Variants in ATOH8 observed in about 807,000 individuals in gnomAD.
ATOH8 encodes transcription factor ATOH8.
ATOH8 carries 9 observed loss-of-function variants against 21.2 expected under a neutral mutation model. The ratio of observed to expected loss-of-function variants is 0.42; its 90% confidence interval spans 0.26 to 0.74. ATOH8 has a LOEUF of 0.74. Among genes scored for constraint, ATOH8 ranks in the 30% least tolerant of loss-of-function variants. The pLI, the probability that ATOH8 is intolerant of heterozygous loss-of-function variation, is 0.24. For synonymous variants in ATOH8, 253 were observed against 224.0 expected, an observed-to-expected ratio of 1.13 and a Z score of -1.16; for missense variants, 524 against 470.9, an observed-to-expected ratio of 1.11 and a Z score of -1.04.
rs754053433 is a variant in ATOH8, at chr2:85,786,931, C to T, written c.*41C>T. On this transcript the variant is annotated 3_prime_UTR_variant, in exon 3 of 3. Transcript: ENST00000306279. Reference sequence around the variant, plus strand: ...ACCAAGGCCACCACTGTGGGCCCTCCTTCCAGTCAGGCCTGAGGACAAGGT... The same window carrying T: ...ACCAAGGCCACCACTGTGGGCCCTCTTTCCAGTCAGGCCTGAGGACAAGGT... 5.6e-6 allele frequency: 9 copies of T among 1,614,076 alleles called. No homozygotes were observed. In the Admixed American group the frequency reaches 1.2e-4, roughly 21 times the overall value.
At chr2:85,772,188 G>A (rs1680201246) in intron 2 of ATOH8, among the ~76,000 whole-genome samples, 1 of 151,462 alleles carries the variant, frequency 6.6e-6, no homozygotes, top group Admixed American at 6.5e-5. Context: ...CGAGGGGTGG[G>A]TTGGGCAGGG....
intron 2 of ATOH8, among the ~76,000 whole-genome samples, chr2:85,784,718 C>T (rs1680579841): frequency 6.6e-6 from 1 of 152,160 alleles, no homozygotes; most frequent in African/African-American, 2.4e-5. Flanking sequence ...TCACAGAACA[C>T]CTTTTGGGCA....
In ATOH8 at chr2:85,789,500, G is replaced by A. The variant is rs907193573; in HGVS notation, c.*2610G>A. The stretch of plus-strand genomic sequence containing the variant: ...CCTGGAAAGTAGCCATGGGACTTGC[G>A]TCTTAAATGGTGAGTAAAAGCTTTC... On this transcript the variant is annotated 3_prime_UTR_variant, in exon 3 of 3. Transcript: ENST00000306279. 7.2e-5 allele frequency among the ~76,000 whole-genome samples: 11 copies of A among 152,206 alleles called. No individual in the cohort carries two copies. Among genetic ancestry groups the A allele is most frequent in the African/African-American group, 1.4e-4 (6 of 41,440 alleles).
Position 85,766,310 on chromosome 2 carries a change from C to CT in ATOH8, c.960+2129dup, listed in dbSNP as rs1680013753. Among the ~76,000 whole-genome samples the CT allele has an allele frequency of 6.6e-6, 1 of 152,004 alleles. No individual in the cohort carries two copies. Among genetic ancestry groups the CT allele is most frequent in the Admixed American group, 6.5e-5 (1 of 15,278 alleles). On this transcript the variant is annotated intron_variant, in intron 2 of 2. Transcript: ENST00000306279. The surrounding 1 kb of genome is among the most constrained non-coding windows in gnomAD (Gnocchi z 4.0). ...CGAGATGGAAGTTCCAGGGTAGGAA[C>CT]TCGACTGTTTCCTCTCCACCCTCCC...
chr2:85,754,767 C>A lies in ATOH8; in HGVS notation c.578C>A (p.Ser193Ter). The change falls in exon 1 of 3, where the codon TCG (serine) becomes TAG (stop). Residue 193 changes from serine to a stop codon, truncating the protein, a stop_gained. Transcript: ENST00000306279. LOFTEE classifies it high-confidence loss of function. ...ACGCGCCCCGGGGAAAGTTCCTACT[C>A]GTCAATTTCACACGTAATTTACAAT... ...PPTRPGESSY[S>*]SISHVIYNNH... 2 of 1,612,972 alleles carry A rather than the reference C, an allele frequency of 1.2e-6. No homozygotes were observed. Among genetic ancestry groups the A allele is most frequent in the Non-Finnish European group, 1.7e-6 (2 of 1,179,850 alleles).
At chr2:85,773,039 T>C (rs1233157410) in intron 2 of ATOH8, 1 of 359,908 alleles carries the variant, frequency 2.8e-6, no homozygotes, top group African/African-American at 2.1e-5. Flanking sequence ...CGCATCTCAG[T>C]GTTGAGGCTC....
intron 2 of ATOH8, chr2:85,775,228 C>G: frequency 1.0e-6 from 1 of 985,354 alleles, no homozygotes; most frequent in Non-Finnish European, 1.2e-6. Flanking sequence ...GAGCCCCTTT[C>G]TCTTTGTGTC....
In ATOH8 at chr2:85,785,573, G is replaced by C. The variant is rs375904412; in HGVS notation, c.961-1312G>C. On this transcript the variant is annotated intron_variant, in intron 2 of 2. Coordinates refer to ENST00000306279, the MANE Select transcript of ATOH8 (RefSeq NM_032827.7). This position sits in a 1 kb window ranked among gnomAD's most constrained non-coding sequence, Gnocchi z 4.1. The stretch of plus-strand genomic sequence containing the variant: ...GCCCCGGCCCACGGGGCTCACCAGG[G>C]CCTGTGGTTAGCAGGCCCTCCACGT... 1.1e-4 allele frequency among the ~76,000 whole-genome samples: 17 copies of C among 152,320 alleles called. No individual in the cohort carries two copies. In the East Asian group the frequency reaches 2.7e-3, roughly 24 times the overall value.
intron 1 of ATOH8, among the ~76,000 whole-genome samples, chr2:85,759,901 T>A (rs1377438735): frequency 6.6e-6 from 1 of 152,030 alleles, no homozygotes; most frequent in East Asian, 1.9e-4. Context: ...TCTGGTGGGT[T>A]CTCGGAGTTG....
At position 85,756,935 on chromosome 2, in the gene ATOH8, C is replaced by A. The variant is rs1398540567; in HGVS notation, c.768+1978C>A. Among the ~76,000 whole-genome samples the A allele has an allele frequency of 2.0e-5, 3 of 152,314 alleles. No individual in the cohort carries two copies. In the East Asian group the frequency reaches 5.8e-4, roughly 29 times the overall value. On this transcript the variant is annotated intron_variant, in intron 1 of 2. Coordinates refer to ENST00000306279, the MANE Select transcript of ATOH8 (RefSeq NM_032827.7). ...GTTCATCCTGGTCTCCTTTTACTTC[C>A]CCCCTTACCGTGGGAAGTTCTCTAT...
chr2:85,763,783 A>G (rs1221010291), intron 1 of ATOH8, among the ~76,000 whole-genome samples: 1 of 150,610 alleles, frequency 6.6e-6, no homozygotes, highest in African/African-American at 2.4e-5. Context: ...TCCCCTGCAA[A>G]ATGGGAATGT....
At chr2:85,774,718 T>C in intron 2 of ATOH8, 1 of 985,458 alleles carries the variant, frequency 1.0e-6, no homozygotes, top group South Asian at 4.7e-5. Context: ...GAGGCCAGAC[T>C]CAATAGAACA....
In ATOH8 at chr2:85,786,953, A is replaced by T; in HGVS notation, c.*63A>T. 1 of 1,612,006 alleles carries T rather than the reference A, an allele frequency of 6.2e-7. No homozygotes were observed. Among genetic ancestry groups the T allele is most frequent in the Non-Finnish European group, 8.5e-7 (1 of 1,178,332 alleles). On this transcript the variant is annotated 3_prime_UTR_variant, in exon 3 of 3. Transcript: ENST00000306279. ...CTCCTTCCAGTCAGGCCTGAGGACA[A>T]GGTGAGCTCGCTGAGTCCAGCCTCG...
rs1680635830 is a variant in ATOH8 at position 85,786,946 on chromosome 2, G to A, written c.*56G>A. The stretch of plus-strand genomic sequence containing the variant: ...GTGGGCCCTCCTTCCAGTCAGGCCT[G>A]AGGACAAGGTGAGCTCGCTGAGTCC... On this transcript the variant is annotated 3_prime_UTR_variant, in exon 3 of 3. Transcript: ENST00000306279. 1 of 1,613,572 alleles carries A rather than the reference G, an allele frequency of 6.2e-7. No individual in the cohort carries two copies. Among genetic ancestry groups the A allele is most frequent in the African/African-American group, 1.3e-5 (1 of 75,054 alleles).
At position 85,754,377 on chromosome 2, in the gene ATOH8, G is replaced by T; in HGVS notation, c.188G>T (p.Arg63Met). 6.3e-7 allele frequency: 1 copy of T among 1,590,842 alleles called. No homozygotes were observed. The change falls in exon 1 of 3, where the codon AGG (arginine) becomes ATG (methionine). Residue 63 changes from arginine to methionine, a missense_variant. Coordinates refer to ENST00000306279, the MANE Select transcript of ATOH8 (RefSeq NM_032827.7). ...GTAGCCACCAACGGGCTGCGGGACA[G>T]GACCCATCGGCTGCAGCCGGTCCCG... Reference protein sequence around the residue: ...RAVATNGLRDRTHRLQPVPVP... With the variant: ...RAVATNGLRDMTHRLQPVPVP...
In ATOH8 at chr2:85,757,318, T is replaced by C. The variant is rs1466155713; in HGVS notation, c.768+2361T>C. On this transcript the variant is annotated intron_variant, in intron 1 of 2. Coordinates refer to ENST00000306279, the MANE Select transcript of ATOH8 (RefSeq NM_032827.7). ...CCCATTCGATAGAGGAAGTCCTGTGTTCTGGAGGAGCCCCTTCCTCCTCTG... is the reference window on the plus strand; with the variant it reads ...CCCATTCGATAGAGGAAGTCCTGTGCTCTGGAGGAGCCCCTTCCTCCTCTG... Among the ~76,000 whole-genome samples the C allele has an allele frequency of 4.4e-4, 67 of 152,236 alleles. 1 individual carries two copies. Among genetic ancestry groups the C allele is most frequent in the Non-Finnish European group, 8.8e-5 (6 of 68,044 alleles).
chr2:85,754,780 C>G lies in ATOH8; in HGVS notation c.591C>G (p.His197Gln). 6.2e-7 allele frequency: 1 copy of G among 1,613,008 alleles called. No individual in the cohort carries two copies. Among genetic ancestry groups the G allele is most frequent in the East Asian group, 2.2e-5 (1 of 44,864 alleles). Residue 197 changes from histidine (H) to glutamine (Q), a missense_variant, in exon 1 of 3, where the codon CAC (histidine) becomes CAG (glutamine). By Grantham distance (24) the His-to-Gln change is conservative. Transcript: ENST00000306279. ...PGESSYSSISHVIYNNHQDSS... is the reference protein window; with the variant it reads ...PGESSYSSISQVIYNNHQDSS... ...AAAGTTCCTACTCGTCAATTTCACA[C>G]GTAATTTACAATAACCACCAGGATT...
At chr2:85,761,179 T>TG (rs1215090878) in intron 1 of ATOH8, among the ~76,000 whole-genome samples, 1 of 152,060 alleles carries the variant, frequency 6.6e-6, no homozygotes, top group East Asian at 1.9e-4. Flanking sequence ...TCCGGTGTGG[T>TG]GGTGGGAGCT....
At chr2:85,774,127 C>T in intron 2 of ATOH8, 1 of 985,458 alleles carries the variant, frequency 1.0e-6, no homozygotes, top group Non-Finnish European at 1.2e-6. Flanking sequence ...TCTGCTCTCC[C>T]TCCCATGTCT....
Sources: gnomAD v4.1 joint callset for allele counts (sites outside exome capture counted in the v4.1 genomes callset) on GRCh38, gnomAD v4.1.1 for gene constraint, Gnocchi (gnomAD v3.1) non-coding constraint, MANE v1.5 for transcripts, NCBI Gene and HGNC (gene_info 2026-07-23, HGNC 2026-07-21) for gene names.